The following ADAMTSL5 variants were observed in gnomAD, a reference collection of about 807,000 sequenced individuals.
The protein encoded by ADAMTSL5 is ADAMTS like 5, also known as ADAMTS-like protein 5.
ADAMTSL5 carries 53 observed loss-of-function variants against 51.7 expected under a neutral mutation model. That is an observed-to-expected ratio of 1.03 (90% CI 0.82 to 1.29). ADAMTSL5 has a LOEUF of 1.29. Among genes scored for constraint, ADAMTSL5 ranks in the 50% most tolerant of loss-of-function variants. The probability of loss-of-function intolerance (pLI) is 0.00; values close to 1 mark genes in which losing one functional copy is unlikely to be tolerated. For missense variants in ADAMTSL5, 770 were observed against 676.2 expected, an observed-to-expected ratio of 1.14 and a Z score of -1.54; for synonymous variants, 285 against 278.7, an observed-to-expected ratio of 1.02 and a Z score of -0.23.
At position 1,508,287 on chromosome 19, in the gene ADAMTSL5, G is replaced by C. The variant is rs946487791; in HGVS notation, c.489+156C>G. 8.0e-5 allele frequency: 98 copies of C among 1,231,464 alleles called. No individual in the cohort carries two copies. In the Admixed American group the frequency reaches 2.0e-3, roughly 25 times the overall value. 76.3% of individuals were successfully genotyped at this position (1,231,464 alleles called of 1,614,324 possible). ...TGGCGCCCGGGAGTGGGTGCCTAAG[G>C]GGGGCTGGGGGCAGGGCCTGGAAGG... is the stretch of plus-strand genomic sequence containing the variant. On this transcript the variant is annotated intron_variant, in intron 6 of 11. Transcript: ENST00000330475.
In ADAMTSL5 at chr19:1,506,920, CAGG is replaced by C; in HGVS notation, c.858_860del (p.Leu287del). 6.5e-7 allele frequency: 1 copy of C among 1,547,868 alleles called. No homozygotes were observed. Among genetic ancestry groups the C allele is most frequent in the Non-Finnish European group, 8.7e-7 (1 of 1,145,858 alleles). ...ACTCGATGCCAGGGTTGGGCTCCTG[CAGG>C]AGGACCTGGAGCAGGGGAGGGGACA... On this transcript the variant is annotated inframe_deletion, in exon 10 of 12. Transcript: ENST00000330475. This position sits in a 1 kb window ranked among gnomAD's most constrained non-coding sequence, Gnocchi z 5.6.
Position 1,510,149 on chromosome 19 carries a change from C to A in ADAMTSL5, c.361+1G>T, listed in dbSNP as rs147460476. On this transcript the variant is annotated splice_donor_variant, in intron 5 of 11. Coordinates refer to ENST00000330475, the MANE Select transcript of ADAMTSL5 (RefSeq NM_213604.3). LOFTEE classifies it high-confidence loss of function. ...TGACCACAGGAGACCAGACTACTCA[C>A]CCCCATGGAAGGGCACCCACTGGTA... The A allele has an allele frequency of 1.4e-5, 23 of 1,608,080 alleles. No homozygotes were observed. The African/African-American group carries it at 2.5e-4, about 18-fold the overall frequency.
At position 1,508,471 on chromosome 19, in the gene ADAMTSL5, TG is replaced by T; in HGVS notation, c.460del (p.Gln154ArgfsTer56). On this transcript the variant is annotated frameshift_variant, in exon 6 of 12. Transcript: ENST00000330475. LOFTEE classifies it high-confidence loss of function. The part of the protein sequence containing the change: ...LDGTACSPGA[Q>X]GVCVAGRCLS... Reference sequence around the variant, plus strand: ...GCAGCGGCCAGCCACGCAGACCCCCTGGGCACCCGGGCTGCAGGCGGTGCCG... The same window carrying T: ...GCAGCGGCCAGCCACGCAGACCCCCTGGCACCCGGGCTGCAGGCGGTGCCG... The T allele has an allele frequency of 6.3e-7, 1 of 1,578,754 alleles. No homozygotes were observed.
At position 1,510,676 on chromosome 19, in the gene ADAMTSL5, C is replaced by A. The variant is rs764930896; in HGVS notation, c.154G>T (p.Gly52Trp). ...CGGCTGCGCACAGAGACGCCACGCC[C>A]GCAGGAGCTGGAGCAGCGGGTCCAG... ...VSWTRCSSSCGRGVSVRSRRC... is the reference protein window; with the variant it reads ...VSWTRCSSSCWRGVSVRSRRC... Residue 52 changes from glycine (G) to tryptophan (W), a missense_variant, in exon 3 of 12, where the codon GGG becomes TGG. Coordinates refer to ENST00000330475, the MANE Select transcript of ADAMTSL5 (RefSeq NM_213604.3). 1.3e-6 allele frequency: 2 copies of A among 1,542,262 alleles called. No individual in the cohort carries two copies. Among genetic ancestry groups the A allele is most frequent in the Non-Finnish European group, 8.7e-7 (1 of 1,143,414 alleles).
In ADAMTSL5 at chr19:1,508,452, G is replaced by A; in HGVS notation, c.480C>T (p.Gly160=). ...SPGAQGVCVA[G]RCLSAGCDGL... Reference sequence around the variant, plus strand: ...CCTGACGAGTCCTTACAAGGCAGCGGCCAGCCACGCAGACCCCCTGGGCAC... The same window carrying A: ...CCTGACGAGTCCTTACAAGGCAGCGACCAGCCACGCAGACCCCCTGGGCAC... The change falls in exon 6 of 12, where the codon GGC becomes GGT. Residue 160 remains glycine, a synonymous_variant. Coordinates refer to ENST00000330475, the MANE Select transcript of ADAMTSL5 (RefSeq NM_213604.3). The A allele has an allele frequency of 6.4e-7, 1 of 1,559,150 alleles. No homozygotes were observed. Among genetic ancestry groups the A allele is most frequent in the South Asian group, 1.2e-5 (1 of 85,276 alleles).
chr19:1,512,423 G>A (rs1267187739), intron 1 of ADAMTSL5, among the ~76,000 whole-genome samples: 2 of 152,098 alleles, frequency 1.3e-5, no homozygotes, highest in Non-Finnish European at 2.9e-5. Flanking sequence ...GCTCACGCCT[G>A]TAATCCCAGC....
chr19:1,507,874 G>A lies in ADAMTSL5; in HGVS notation c.601+124C>T, dbSNP rs1470038765. 5 of 1,154,382 alleles carry A rather than the reference G, an allele frequency of 4.3e-6. No homozygotes were observed. In the East Asian group the frequency reaches 1.3e-4, roughly 30 times the overall value. 71.5% of individuals were successfully genotyped at this position (1,154,382 alleles called of 1,614,324 possible). A position where few individuals can be genotyped will look rare whatever the true frequency, so the allele number is the denominator to read the frequency against. On this transcript the variant is annotated intron_variant, in intron 7 of 11. Transcript: ENST00000330475. Reference sequence around the variant, plus strand: ...GGGACAATCTGTCAGTAGCCAATCAGGATGAGGAGAAAGGGGGGCTGGGCC... The same window carrying A: ...GGGACAATCTGTCAGTAGCCAATCAAGATGAGGAGAAAGGGGGGCTGGGCC...
Position 1,507,401 on chromosome 19 carries a change from C to T in ADAMTSL5, c.693G>A (p.Leu231=). 1.9e-6 allele frequency: 3 copies of T among 1,576,906 alleles called. No homozygotes were observed. The highest frequency in any genetic ancestry group is 1.7e-6 in the Non-Finnish European group (2 of 1,160,406). ...GCACGTAGCGCCCATCGCCCCCCAT[C>T]AGTGCTGCAAGGGAACAGTCAGCCC... ...VEHRSRNHLA[L]MGGDGRYVLN... The change falls in exon 9 of 12, where the codon CTG becomes CTA. Residue 231 remains leucine, a synonymous_variant. Coordinates refer to ENST00000330475, the MANE Select transcript of ADAMTSL5 (RefSeq NM_213604.3).
chr19:1,512,916 C>T (rs946394987), intron 1 of ADAMTSL5, 47 bp downstream of exon 1: 1 of 152,372 alleles, frequency 6.6e-6, no homozygotes, highest in African/African-American at 2.4e-5. Context: ...CACCTCTGGG[C>T]CTCAGTTTCC....
At chr19:1,507,748 C>T in intron 7 of ADAMTSL5, 105 bp from the exon 8 acceptor site, 1 of 1,220,846 alleles carries the variant, frequency 8.2e-7, no homozygotes, top group Non-Finnish European at 1.2e-6. Context: ...AGCCAGGGTC[C>T]TGGGAACCGG....
intron 5 of ADAMTSL5, among the ~76,000 whole-genome samples, chr19:1,509,611 T>TGGCA (rs1568243838): frequency 6.3e-5 from 7 of 111,236 alleles, no homozygotes; most frequent in Admixed American, 5.8e-4. Context: ...CTCAGATTGA[T>TGGCA]GGAAGGAAGG....
At position 1,508,558 on chromosome 19, in the gene ADAMTSL5, C is replaced by A. The variant is rs754556246; in HGVS notation, c.374G>T (p.Cys125Phe). The change falls in exon 6 of 12, where the codon TGC (cysteine) becomes TTC (phenylalanine). Residue 125 changes from cysteine to phenylalanine, a missense_variant. Coordinates refer to ENST00000330475, the MANE Select transcript of ADAMTSL5 (RefSeq NM_213604.3). Reference protein sequence around the residue: ...WVPFHGAPNQCDLNCLAEGHA... With the variant: ...WVPFHGAPNQFDLNCLAEGHA... ...CCCCTCAGCCAGGCAGTTGAGGTCG[C>A]ACTGGTTGGGCGCTGAGGGCAGGAG... 1 of 1,563,868 alleles carries A rather than the reference C, an allele frequency of 6.4e-7. No individual in the cohort carries two copies. Among genetic ancestry groups the A allele is most frequent in the Non-Finnish European group, 8.6e-7 (1 of 1,162,502 alleles).
chr19:1,510,226 G>T lies in ADAMTSL5; in HGVS notation c.285C>A (p.Asp95Glu), dbSNP rs1291108699. The T allele has an allele frequency of 3.7e-6, 6 of 1,613,322 alleles. 1 individual carries two copies. The South Asian group carries it at 6.6e-5, about 18-fold the overall frequency. The change falls in exon 5 of 12, where the codon GAC becomes GAA. Residue 95 changes from aspartate to glutamate, a missense_variant. Transcript: ENST00000330475. ...DCPPGAVPFR[D>E]LQCALYNGRP... ...GGCCATTGTACAGGGCACACTGTAG[G>T]TCTCGGAAGGGCACAGCCCCTGGGG...
chr19:1,510,985 CCTGA>C lies in ADAMTSL5; in HGVS notation c.-46_-43del. ...ACACAGGGTTGTGTCCCGGCTCTGC[CCTGA>C]CTGGCTGTGTGATCTTGGAAAGTAA... On this transcript the variant is annotated 5_prime_UTR_variant, in exon 2 of 12. Coordinates refer to ENST00000330475, the MANE Select transcript of ADAMTSL5 (RefSeq NM_213604.3). 1 of 1,321,282 alleles carries C rather than the reference CCTGA, an allele frequency of 7.6e-7. No individual in the cohort carries two copies. Among genetic ancestry groups the C allele is most frequent in the Non-Finnish European group, 9.8e-7 (1 of 1,019,684 alleles). 81.8% of individuals were successfully genotyped at this position (1,321,282 alleles called of 1,614,324 possible).
chr19:1,510,672 C>G lies in ADAMTSL5; in HGVS notation c.158G>C (p.Arg53Pro). 1 of 1,542,052 alleles carries G rather than the reference C, an allele frequency of 6.5e-7. No homozygotes were observed. The highest frequency in any genetic ancestry group is 8.7e-7 in the Non-Finnish European group (1 of 1,143,342). The change falls in exon 3 of 12, where the codon CGT becomes CCT. Residue 53 changes from arginine to proline, a missense_variant. Physicochemically the swap from Arg to Pro is moderately radical, Grantham distance 103 (BLOSUM62 -2). Transcript: ENST00000330475. ...SWTRCSSSCGRGVSVRSRRCL... is the reference protein window; with the variant it reads ...SWTRCSSSCGPGVSVRSRRCL... ...GCGCCGGCTGCGCACAGAGACGCCA[C>G]GCCCGCAGGAGCTGGAGCAGCGGGT...
chr19:1,505,790 CAG>C lies in ADAMTSL5; in HGVS notation c.*223_*224del, dbSNP rs1173301543. 6.2e-6 allele frequency: 3 copies of C among 487,176 alleles called. No homozygotes were observed. The highest frequency in any genetic ancestry group is 3.5e-6 in the Non-Finnish European group (1 of 286,718). The allele number at this position is 487,176 out of a possible 1,614,324, so 30.2% of individuals were successfully genotyped here. On this transcript the variant is annotated 3_prime_UTR_variant, in exon 12 of 12. Transcript: ENST00000330475. Reference sequence around the variant, plus strand: ...CCAAGGAGAGAGGCGAAATAAAAGTCAGAGTCTCCTTAGTGCCTCCTCACCAG... The same window carrying C: ...CCAAGGAGAGAGGCGAAATAAAAGTCAGTCTCCTTAGTGCCTCCTCACCAG...
rs1205171199 is a variant in ADAMTSL5 at position 1,506,145 on chromosome 19, G to A, written c.1286C>T (p.Ala429Val). ...MLAPHRDYLM[A>V]VQRLVSPDGT... ...GTCGGGGCTGACAAGACGCTGGACA[G>A]CCATCAGGTAGTCCCGGTGGGGTGC... Residue 429 changes from alanine (A) to valine (V), a missense_variant, in exon 12 of 12, where the codon GCT (alanine) becomes GTT (valine). Physicochemically the swap from Ala to Val is moderately conservative, Grantham distance 64. Transcript: ENST00000330475. This position sits in a 1 kb window ranked among gnomAD's most constrained non-coding sequence, Gnocchi z 5.6. 1.2e-6 allele frequency: 2 copies of A among 1,608,826 alleles called. No individual in the cohort carries two copies. The highest frequency in any genetic ancestry group is 8.5e-7 in the Non-Finnish European group (1 of 1,177,862).
intron 5 of ADAMTSL5, among the ~76,000 whole-genome samples, chr19:1,509,627 A>AGGGG (rs1913148058): frequency 1.1e-5 from 1 of 87,832 alleles, no homozygotes; most frequent in Non-Finnish European, 2.2e-5. Context: ...GAAGGAAGGG[A>AGGGG]GGGAGGGAGG....
chr19:1,510,905 GA>G lies in ADAMTSL5; in HGVS notation c.38del (p.Phe13SerfsTer12). 1 of 1,500,580 alleles carries G rather than the reference GA, an allele frequency of 6.7e-7. No individual in the cohort carries two copies. The highest frequency in any genetic ancestry group is 8.8e-7 in the Non-Finnish European group (1 of 1,134,070). The allele number at this position is 1,500,580 out of a possible 1,614,324, so 93.0% of individuals were successfully genotyped here. ...SAPLFPRPHL[F>X]QNLLLFLWAL... ...CCCACAGGAAGAGCAGGAGGTTCTG[GA>G]AGAGGTGGGGCCTGGGGAACAGAGG... On this transcript the variant is annotated frameshift_variant, in exon 2 of 12. Coordinates refer to ENST00000330475, the MANE Select transcript of ADAMTSL5 (RefSeq NM_213604.3). LOFTEE classifies it high-confidence loss of function.
Sources: allele counts gnomAD v4.1 joint callset (sites outside exome capture counted in the v4.1 genomes callset), GRCh38; gene constraint gnomAD v4.1.1; non-coding constraint Gnocchi (gnomAD v3.1); transcripts MANE v1.5; gene names NCBI Gene and HGNC (gene_info 2026-07-23, HGNC 2026-07-21).